NOL4L: variants seen among roughly 807,000 people sequenced by gnomAD.
NOL4L encodes nucleolar protein 4 like.
Under a neutral mutation model 64.5 loss-of-function variants are expected in NOL4L, and 7 were observed. The observed-to-expected ratio is 0.11, with a 90% CI of 0.06 to 0.20. The LOEUF (loss-of-function observed/expected upper bound fraction) is 0.20, where lower values mean the gene tolerates loss of function less well. NOL4L is among the 10% of genes least tolerant of loss of function. NOL4L has a pLI of 1.00. For missense variants in NOL4L, 680 were observed against 967.1 expected (o/e 0.70, Z 3.94); for synonymous variants, 413 against 401.0 (o/e 1.03, Z -0.36).
intron 1 of NOL4L, among the ~76,000 whole-genome samples, chr20:32,556,146 G>A (rs1320467432): frequency 6.6e-6 from 1 of 152,182 alleles, no homozygotes; most frequent in Non-Finnish European, 1.5e-5. Context: ...GGAAGAGCCA[G>A]AGAGGCTCTG....
chr20:32,468,917 A>AAAAG (rs571287123), intron 5 of NOL4L, among the ~76,000 whole-genome samples: 5,893 of 109,168 alleles, frequency 0.054, 470 homozygotes, highest in African/African-American at 0.15. Context: ...AAAAAAAAAA[A>AAAAG]AAAGAAAGAA....
In NOL4L at chr20:32,527,796, C is replaced by T. The variant is rs546228276; in HGVS notation, c.439G>A (p.Ala147Thr). The T allele has an allele frequency of 4.7e-5, 73 of 1,550,378 alleles. 1 individual carries two copies. The East Asian group carries it at 1.5e-3, about 31-fold the overall frequency. ...HVESSAEPGK[A>T]PKHAGQKKTY... Reference sequence around the variant, plus strand: ...TTCTTCTGCCCAGCGTGCTTGGGGGCTTTGCCTGGCTCCGCTGAGCTCTCC... The same window carrying T: ...TTCTTCTGCCCAGCGTGCTTGGGGGTTTTGCCTGGCTCCGCTGAGCTCTCC... Residue 147 changes from alanine to threonine, a missense_variant, in exon 2 of 11, where the codon GCC becomes ACC. Ala to Thr is a moderately conservative substitution (Grantham distance 58, BLOSUM62 0). Around this residue, in one of 4 missense-constraint regions of NOL4L, gnomAD observed 181 missense variants for 335.2 expected, o/e 0.54. Transcript: ENST00000621426.
At chr20:32,550,023 T>A (rs1156781231) in intron 1 of NOL4L, among the ~76,000 whole-genome samples, 2 of 152,208 alleles carry the variant, frequency 1.3e-5, no homozygotes, top group Non-Finnish European at 1.5e-5. Flanking sequence ...GTCCATCAAC[T>A]GTTGAATAAA....
chr20:32,528,856 C>T (rs1056227204), intron 1 of NOL4L, among the ~76,000 whole-genome samples: 1 of 152,168 alleles, frequency 6.6e-6, no homozygotes, highest in African/African-American at 2.4e-5. Flanking sequence ...CGTTAGGGGG[C>T]TTTGAAGATC....
At chr20:32,490,110 C>G (rs994480658) in intron 4 of NOL4L, among the ~76,000 whole-genome samples, 10 of 111,754 alleles carry the variant, frequency 8.9e-5, no homozygotes, top group Non-Finnish European at 1.5e-4. Context: ...GCCTGGGTGA[C>G]AGAGAGAGAC....
intron 1 of NOL4L, among the ~76,000 whole-genome samples, chr20:32,565,862 T>C (rs1264953566): frequency 6.6e-6 from 1 of 150,986 alleles, no homozygotes; most frequent in Non-Finnish European, 1.5e-5. Context: ...AGACCCCGTC[T>C]CTAAAAACAA....
chr20:32,485,490 G>C (rs2016051855), intron 4 of NOL4L: 3 of 290,242 alleles, frequency 1.0e-5, no homozygotes, highest in South Asian at 8.7e-5. Flanking sequence ...AGACTCTGCT[G>C]TCAATAGAAA....
Position 32,508,167 on chromosome 20 carries a change from C to T in NOL4L, c.699+3180G>A, listed in dbSNP as rs551917246. Among the ~76,000 whole-genome samples the T allele has an allele frequency of 1.3e-4, 20 of 152,274 alleles. No homozygotes were observed. In the East Asian group the frequency reaches 3.9e-3, roughly 29 times the overall value. On this transcript the variant is annotated intron_variant, in intron 4 of 10. Coordinates refer to ENST00000621426, the MANE Select transcript of NOL4L (RefSeq NM_001256798.2). ...TGTGGTCAGAGTGATGAAATGAAACCACTCTCAAAGCCTTGTCTTGGGACA... is the reference window on the plus strand; with the variant it reads ...TGTGGTCAGAGTGATGAAATGAAACTACTCTCAAAGCCTTGTCTTGGGACA...
chr20:32,458,696 C>T (rs2013778509), intron 5 of NOL4L, among the ~76,000 whole-genome samples: 1 of 152,254 alleles, frequency 6.6e-6, no homozygotes, highest in Non-Finnish European at 1.5e-5. Context: ...TTAGATTCCT[C>T]CTCTGGAATG....
In NOL4L at chr20:32,549,084, A is replaced by C. The variant is rs538372175; in HGVS notation, c.322-21171T>G. Among the ~76,000 whole-genome samples, 4 of 152,338 alleles carry C rather than the reference A, an allele frequency of 2.6e-5. No individual in the cohort carries two copies. The South Asian group carries it at 6.2e-4, about 24-fold the overall frequency. On this transcript the variant is annotated intron_variant, in intron 1 of 10. Transcript: ENST00000621426. ...TTCTTAGATATGACACCAAAAGTTC[A>C]AGCAACAGAAGAAAAATTAGACAAA...
At chr20:32,532,952 G>A (rs1162757430) in intron 1 of NOL4L, among the ~76,000 whole-genome samples, 2 of 152,172 alleles carry the variant, frequency 1.3e-5, no homozygotes, top group Admixed American at 1.3e-4. Flanking sequence ...CAGCCTGCCA[G>A]AGCCAGGCCA....
Position 32,474,298 on chromosome 20 carries a change from T to A in NOL4L, c.841+303A>T, listed in dbSNP as rs565990357. 3.3e-5 allele frequency among the ~76,000 whole-genome samples: 5 copies of A among 152,314 alleles called. No homozygotes were observed. In the East Asian group the frequency reaches 9.7e-4, roughly 29 times the overall value. On this transcript the variant is annotated intron_variant, in intron 5 of 10. Transcript: ENST00000621426. ...CCTTCCCAGGCCTGCCCCTGGTAAC[T>A]CTGAAACCCACATTGCAGAAGCCCA... is the stretch of plus-strand genomic sequence containing the variant.
At chr20:32,570,359 G>T (rs1979682019) in intron 1 of NOL4L, among the ~76,000 whole-genome samples, 2 of 152,186 alleles carry the variant, frequency 1.3e-5, no homozygotes, top group Admixed American at 1.3e-4. Flanking sequence ...GTCCACAGCA[G>T]CTCAGAGAAT....
At chr20:32,470,756 GC>G (rs1316683490) in intron 5 of NOL4L, among the ~76,000 whole-genome samples, 5 of 152,248 alleles carry the variant, frequency 3.3e-5, no homozygotes, top group Admixed American at 3.3e-4. Flanking sequence ...ATGGCCCTGG[GC>G]CCCAAGGAGG....
chr20:32,461,416 CTTTTCTTTTT>C (rs980569830), intron 5 of NOL4L, among the ~76,000 whole-genome samples: 5 of 61,170 alleles, frequency 8.2e-5, no homozygotes, highest in African/African-American at 2.0e-4. Flanking sequence ...CTCTACCTTT[CTTTTCTTTTT>C]TTTTTTTTTT....
chr20:32,461,755 A>AAGTGCTTGGAAGAAAT (rs2014088657), intron 5 of NOL4L, among the ~76,000 whole-genome samples: 1 of 149,220 alleles, frequency 6.7e-6, no homozygotes, highest in Non-Finnish European at 1.5e-5. Context: ...AGGAGAGGAT[A>AAGTGCTTGGAAGAAAT]AGTGCTTGGA....
At chr20:32,531,871 A>G (rs1253987835) in intron 1 of NOL4L, among the ~76,000 whole-genome samples, 1 of 152,180 alleles carries the variant, frequency 6.6e-6, no homozygotes, top group Non-Finnish European at 1.5e-5. Flanking sequence ...GAGGGGACCC[A>G]TGACAAAATG....
intron 3 of NOL4L, among the ~76,000 whole-genome samples, chr20:32,518,943 T>C (rs1236533341): frequency 5.9e-5 from 9 of 152,304 alleles, no homozygotes; most frequent in Admixed American, 4.6e-4. Context: ...TCCAGCATTA[T>C]AACAGGAACC....
intron 5 of NOL4L, among the ~76,000 whole-genome samples, chr20:32,467,875 C>A (rs2014687303): frequency 6.6e-6 from 1 of 152,186 alleles, no homozygotes; most frequent in South Asian, 2.1e-4. Context: ...GGGGGCCGGG[C>A]CAAGGAGAAG....
Sources: allele counts gnomAD v4.1 joint callset (sites outside exome capture counted in the v4.1 genomes callset), GRCh38; gene constraint gnomAD v4.1.1; regional missense constraint gnomAD v4.1.1; transcripts MANE v1.5; gene names NCBI Gene and HGNC (gene_info 2026-07-23, HGNC 2026-07-21).